The following ACSM5 variants were observed in gnomAD, a reference collection of about 807,000 sequenced individuals.
The protein encoded by ACSM5 is acyl-coenzyme A synthetase ACSM5, mitochondrial.
In ACSM5, 56 loss-of-function variants were observed where a neutral mutation model predicts 71.6. The observed-to-expected ratio is 0.78, with a 90% CI of 0.63 to 0.98. ACSM5 has a LOEUF of 0.98. Among genes scored for constraint, ACSM5 ranks in the 50% least tolerant of loss-of-function variants. The pLI is 0.00. For synonymous variants in ACSM5, 285 were observed against 281.5 expected, an observed-to-expected ratio of 1.01 and a Z score of -0.12; for missense variants, 723 against 726.0, an observed-to-expected ratio of 1.00 and a Z score of 0.05.
At chr16:20,416,770 A>C (rs1457217006) in intron 2 of ACSM5, among the ~76,000 whole-genome samples, 1 of 152,178 alleles carries the variant, frequency 6.6e-6, no homozygotes, top group Non-Finnish European at 1.5e-5. Context: ...AGCTCACAGA[A>C]TAGGAGAAAA....
chr16:20,427,621 A>G (rs1316842426), intron 6 of ACSM5, among the ~76,000 whole-genome samples, 167 bp from the exon 7 acceptor site: 1 of 152,236 alleles, frequency 6.6e-6, no homozygotes, highest in Non-Finnish European at 1.5e-5. Flanking sequence ...AAAGGTGCAC[A>G]TGCCAGGAAG....
chr16:20,435,961 T>G (rs1290094269), intron 10 of ACSM5, among the ~76,000 whole-genome samples: 5 of 151,174 alleles, frequency 3.3e-5, no homozygotes, highest in Non-Finnish European at 1.5e-5. Flanking sequence ...CCTTCTTTCC[T>G]TCTTTCTTCC....
intron 8 of ACSM5, 133 bp downstream of exon 8, chr16:20,429,934 T>C (rs182161772): frequency 9.4e-6 from 10 of 1,069,324 alleles, no homozygotes; most frequent in Non-Finnish European, 1.3e-5. Context: ...CAAAATTCCA[T>C]CAGCTTTCCT....
intron 3 of ACSM5, among the ~76,000 whole-genome samples, 183 bp from the exon 4 acceptor site, chr16:20,419,045 G>A (rs956396677): frequency 6.6e-6 from 1 of 152,118 alleles, no homozygotes; most frequent in African/African-American, 2.4e-5. Context: ...CTGATGCTGA[G>A]TGAATAAGTG....
chr16:20,426,503 A>G (rs569944714), intron 6 of ACSM5, among the ~76,000 whole-genome samples: 17 of 152,052 alleles, frequency 1.1e-4, no homozygotes, highest in South Asian at 6.3e-4. Context: ...TGAAAGCAAC[A>G]CAAGTGTCCA....
chr16:20,424,196 T>C (rs1016320380), intron 6 of ACSM5, 127 bp downstream of exon 6: 1 of 1,210,236 alleles, frequency 8.3e-7, no homozygotes, highest in South Asian at 1.6e-5. Context: ...TGTGGCTCCC[T>C]GGCCTTCCAT....
At chr16:20,413,929 A>G (rs934642268) in intron 2 of ACSM5, among the ~76,000 whole-genome samples, 27 of 152,192 alleles carry the variant, frequency 1.8e-4, no homozygotes, top group Non-Finnish European at 7.4e-5. Context: ...CTAACCAAGT[A>G]GATATCTCAG....
At position 20,418,161 on chromosome 16, in the gene ACSM5, G is replaced by A. The variant is rs756298545; in HGVS notation, c.307G>A (p.Ala103Thr). The A allele has an allele frequency of 6.2e-7, 1 of 1,613,556 alleles. No homozygotes were observed. The highest frequency in any genetic ancestry group is 1.1e-5 in the South Asian group (1 of 91,052). ...GCTGGGGAAGCAGTCCAGGAAGGCA[G>A]CCAATGTGCTGGGGGGTGCATGCGG... ...EELGKQSRKAANVLGGACGLQ... is the reference protein window; with the variant it reads ...EELGKQSRKATNVLGGACGLQ... The change falls in exon 3 of 14, where the codon GCC (alanine) becomes ACC (threonine). Residue 103 changes from alanine (A) to threonine (T), a missense_variant. Ala to Thr is a moderately conservative substitution (Grantham distance 58, BLOSUM62 0). Transcript: ENST00000331849.
At chr16:20,440,041 T>G (rs1444734026) in intron 13 of ACSM5, 122 bp downstream of exon 13, 3 of 1,276,086 alleles carry the variant, frequency 2.4e-6, no homozygotes, top group Non-Finnish European at 3.3e-6. Context: ...CTTGTAACCC[T>G]GGCTGCTGCT....
chr16:20,431,731 AC>A (rs1405775249), intron 10 of ACSM5, among the ~76,000 whole-genome samples: 7 of 152,194 alleles, frequency 4.6e-5, no homozygotes, highest in Middle Eastern at 3.4e-3. Context: ...CAGGTGGATC[AC>A]CTGAGGTCAG....
At chr16:20,435,684 A>G (rs188355440) in intron 10 of ACSM5, among the ~76,000 whole-genome samples, 1 of 152,350 alleles carries the variant, frequency 6.6e-6, no homozygotes, top group East Asian at 1.9e-4. Context: ...TTGCATTTTT[A>G]AAAAAGAACT....
intron 8 of ACSM5, among the ~76,000 whole-genome samples, chr16:20,430,665 G>A (rs755460997): frequency 6.7e-6 from 1 of 150,302 alleles, no homozygotes; most frequent in Non-Finnish European, 1.5e-5. Flanking sequence ...GAAGAAGGGA[G>A]GAGAGAGGAA....
intron 10 of ACSM5, among the ~76,000 whole-genome samples, chr16:20,436,680 C>T (rs1167893599): frequency 6.6e-6 from 1 of 152,132 alleles, no homozygotes; most frequent in African/African-American, 2.4e-5. Flanking sequence ...TAGCCCTTCA[C>T]TTTCTACCCT....
At chr16:20,428,568 C>T (rs1318705885) in intron 7 of ACSM5, among the ~76,000 whole-genome samples, 3 of 152,212 alleles carry the variant, frequency 2.0e-5, no homozygotes, top group Non-Finnish European at 4.4e-5. Flanking sequence ...TCCCGTAAGT[C>T]ATGAGGAGTC....
At chr16:20,421,091 G>A (rs1966876613) in intron 4 of ACSM5, 167 bp from the exon 5 acceptor site, 2 of 728,672 alleles carry the variant, frequency 2.7e-6, no homozygotes, top group Non-Finnish European at 4.0e-6. Flanking sequence ...TATAATGATA[G>A]TACCTACCCC....
Position 20,437,131 on chromosome 16 carries a change from G to A in ACSM5, c.1388G>A (p.Gly463Asp), listed in dbSNP as rs764240281. ...GACCGAGCTCGCATGGACAAGGATG[G>A]CTACTTTTGGTTCATGGGAAGAAAC... ...TGDRARMDKDGYFWFMGRNDD... is the reference protein window; with the variant it reads ...TGDRARMDKDDYFWFMGRNDD... Residue 463 changes from glycine to aspartate, a missense_variant, in exon 11 of 14, where the codon GGC becomes GAC. Gly to Asp is a moderately conservative substitution (Grantham distance 94). Transcript: ENST00000331849. 6.2e-7 allele frequency: 1 copy of A among 1,614,198 alleles called. No homozygotes were observed. Among genetic ancestry groups the A allele is most frequent in the Non-Finnish European group, 8.5e-7 (1 of 1,180,018 alleles).
chr16:20,431,779 C>T (rs1395908434), intron 10 of ACSM5, among the ~76,000 whole-genome samples: 5 of 151,968 alleles, frequency 3.3e-5, no homozygotes, highest in East Asian at 1.9e-4. Flanking sequence ...AGTGAAACCC[C>T]GTTTCTACCA....
intron 2 of ACSM5, among the ~76,000 whole-genome samples, chr16:20,414,492 A>T (rs1285894250): frequency 6.6e-6 from 1 of 152,230 alleles, no homozygotes; most frequent in Admixed American, 6.5e-5. Flanking sequence ...CAGTAGGAAA[A>T]CAATTCTTCT....
chr16:20,410,464 C>G (rs1422992166), intron 1 of ACSM5, among the ~76,000 whole-genome samples: 1 of 152,150 alleles, frequency 6.6e-6, no homozygotes, highest in Non-Finnish European at 1.5e-5. Context: ...GGCACAGTGG[C>G]TCACATCTGT....
Sources: allele counts gnomAD v4.1 joint callset (sites outside exome capture counted in the v4.1 genomes callset), GRCh38; gene constraint gnomAD v4.1.1; transcripts MANE v1.5; gene names NCBI Gene and HGNC (gene_info 2026-07-23, HGNC 2026-07-21).